Variants in PACS1 observed in about 807,000 individuals in gnomAD.
PACS1 encodes phosphofurin acidic cluster sorting protein 1.
A neutral mutation model predicts 115.0 loss-of-function variants in PACS1; 24 were observed. The observed-to-expected ratio is 0.21, with a 90% CI of 0.15 to 0.29. The LOEUF is 0.29. PACS1 is among the 10% of genes least tolerant of loss of function. The pLI, the probability that PACS1 is intolerant of heterozygous loss-of-function variation, is 1.00. For missense variants in PACS1, 838 were observed against 1,251.2 expected (o/e 0.67, Z 4.98); for synonymous variants, 453 against 504.5 (o/e 0.90, Z 1.37).
chr11:66,188,599 A>G (rs1854442011), intron 1 of PACS1, among the ~76,000 whole-genome samples: 2 of 152,194 alleles, frequency 1.3e-5, no homozygotes, highest in African/African-American at 4.8e-5. Flanking sequence ...TCATCAGGGA[A>G]AGACTCTTCT....
At chr11:66,122,012 A>G (rs1018511375) in intron 1 of PACS1, among the ~76,000 whole-genome samples, 1 of 152,180 alleles carries the variant, frequency 6.6e-6, no homozygotes, top group Non-Finnish European at 1.5e-5. Flanking sequence ...GCCATCTAGG[A>G]CTTTCATAGC....
chr11:66,189,979 G>A (rs1173549419), intron 1 of PACS1, among the ~76,000 whole-genome samples: 1 of 152,226 alleles, frequency 6.6e-6, no homozygotes, highest in Non-Finnish European at 1.5e-5. Context: ...TGTTTTATCT[G>A]ATGTCTACTG....
At chr11:66,222,768 C>G (rs1024281600) in intron 10 of PACS1, among the ~76,000 whole-genome samples, 2 of 152,222 alleles carry the variant, frequency 1.3e-5, no homozygotes, top group South Asian at 4.1e-4. Context: ...CTGAAAAGCA[C>G]GGGTCTGAAA....
At chr11:66,174,769 G>C (rs1859814268) in intron 1 of PACS1, among the ~76,000 whole-genome samples, 1 of 152,198 alleles carries the variant, frequency 6.6e-6, no homozygotes, top group South Asian at 2.1e-4. Context: ...GTCGTATTTT[G>C]ATGATGAAAA....
In PACS1 at chr11:66,202,726, G is replaced by GGAAAAAAA. The variant is rs1554988658; in HGVS notation, c.445-7636_445-7635insGAAAAAAA. Among the ~76,000 whole-genome samples, 8 of 10,962 alleles carry GGAAAAAAA rather than the reference G, an allele frequency of 7.3e-4. 1 individual carries two copies. The highest frequency in any genetic ancestry group is 3.7e-3 in the Admixed American group (2 of 538). The allele number at this position is 10,962 out of a possible 152,430, so 7.2% of individuals were successfully genotyped here. On this transcript the variant is annotated intron_variant, in intron 2 of 23. Coordinates refer to ENST00000320580, the MANE Select transcript of PACS1 (RefSeq NM_018026.4). Reference sequence around the variant, plus strand: ...CAACATGGCAAAACCTCATCTCTAGGAAAAAAAAAAAAAAAAATATATATA... The same window carrying GGAAAAAAA: ...CAACATGGCAAAACCTCATCTCTAGGGAAAAAAAAAAAAAAAAAAAAAAAATATATATA...
chr11:66,125,659 T>C (rs1251831483), intron 1 of PACS1, among the ~76,000 whole-genome samples: 1 of 152,186 alleles, frequency 6.6e-6, no homozygotes, highest in East Asian at 1.9e-4. Context: ...CTAACCAGTG[T>C]CTAACTATGC....
chr11:66,137,067 C>T (rs547456911), intron 1 of PACS1, among the ~76,000 whole-genome samples: 22 of 143,768 alleles, frequency 1.5e-4, no homozygotes, highest in Admixed American at 3.6e-4. Flanking sequence ...GCTCTGTTTA[C>T]ATTGGTGTTT....
At chr11:66,190,030 C>T (rs778304813) in intron 1 of PACS1, among the ~76,000 whole-genome samples, 6 of 152,236 alleles carry the variant, frequency 3.9e-5, no homozygotes, top group Non-Finnish European at 5.9e-5. Context: ...TTGCCCACCA[C>T]TCTCACTCAC....
chr11:66,212,502 C>G (rs899419287), intron 4 of PACS1, among the ~76,000 whole-genome samples: 1 of 151,006 alleles, frequency 6.6e-6, no homozygotes, highest in Non-Finnish European at 1.5e-5. Flanking sequence ...AACTCCCAGG[C>G]TCAAGCAATC....
At chr11:66,072,529 T>G (rs923337112) in intron 1 of PACS1, among the ~76,000 whole-genome samples, 5 of 152,230 alleles carry the variant, frequency 3.3e-5, no homozygotes, top group African/African-American at 1.2e-4. Context: ...CATTGTTTTT[T>G]TTTTCTCTGT....
chr11:66,157,210 C>T (rs1859382394), intron 1 of PACS1, among the ~76,000 whole-genome samples: 1 of 152,090 alleles, frequency 6.6e-6, no homozygotes, highest in Non-Finnish European at 1.5e-5. Flanking sequence ...ACTAAAATGA[C>T]AGTAAAGGAA....
At chr11:66,229,117 G>A (rs1301464518) in intron 11 of PACS1, among the ~76,000 whole-genome samples, 1 of 140,444 alleles carries the variant, frequency 7.1e-6, no homozygotes, top group Non-Finnish European at 1.5e-5. Context: ...GCTCACACCT[G>A]TAATCCCAGT....
chr11:66,191,850 C>T (rs1482195683), intron 1 of PACS1, among the ~76,000 whole-genome samples: 5 of 152,144 alleles, frequency 3.3e-5, no homozygotes, highest in Middle Eastern at 3.4e-3. Context: ...ATGGTGAAAC[C>T]GGTCTCTACT....
At chr11:66,147,040 G>A (rs1478358741) in intron 1 of PACS1, among the ~76,000 whole-genome samples, 3 of 152,110 alleles carry the variant, frequency 2.0e-5, no homozygotes, top group African/African-American at 7.2e-5. Context: ...CAGCTTGGGC[G>A]ACCAAGTAAG....
chr11:66,200,797 G>A (rs546075179), intron 2 of PACS1, among the ~76,000 whole-genome samples: 35 of 151,572 alleles, frequency 2.3e-4, no homozygotes, highest in Non-Finnish European at 3.1e-4. Flanking sequence ...CAAATGGACC[G>A]AATAGATATT....
chr11:66,122,018 A>G (rs1858454779), intron 1 of PACS1, among the ~76,000 whole-genome samples: 1 of 152,148 alleles, frequency 6.6e-6, no homozygotes, highest in African/African-American at 2.4e-5. Context: ...TAGGACTTTC[A>G]TAGCTAGAGA....
At chr11:66,153,383 A>T (rs1859287388) in intron 1 of PACS1, among the ~76,000 whole-genome samples, 1 of 152,152 alleles carries the variant, frequency 6.6e-6, no homozygotes, top group Non-Finnish European at 1.5e-5. Flanking sequence ...AGTGGCTCAC[A>T]CCTGTAATCT....
intron 1 of PACS1, among the ~76,000 whole-genome samples, chr11:66,109,385 C>T (rs1858133442): frequency 1.3e-5 from 2 of 152,012 alleles, no homozygotes; most frequent in Admixed American, 1.3e-4. Context: ...TAGTGAGACC[C>T]CATCTCTATT....
At position 66,211,194 on chromosome 11, in the gene PACS1, C is replaced by T. The variant is rs1415741748; in HGVS notation, c.595C>T (p.Arg199Cys). 3 of 1,613,796 alleles carry T rather than the reference C, an allele frequency of 1.9e-6. No individual in the cohort carries two copies. Among genetic ancestry groups the T allele is most frequent in the Non-Finnish European group, 1.7e-6 (2 of 1,179,740 alleles). The change falls in exon 4 of 24, where the codon CGT (arginine) becomes TGT (cysteine). Residue 199 changes from arginine (R) to cysteine (C), a missense_variant. Arg to Cys is a radical substitution (Grantham distance 180). This residue lies in a region of PACS1 where 223 missense variants were observed against 354.0 expected (regional missense o/e 0.63). Transcript: ENST00000320580. ...KLQIMLQRRK[R>C]YKNRTILGYK... ...GCAGATCATGCTGCAAAGGAGAAAACGTTACAAGAATCGGACCATCTTGGG... is the reference window on the plus strand; with the variant it reads ...GCAGATCATGCTGCAAAGGAGAAAATGTTACAAGAATCGGACCATCTTGGG...
Sources: allele counts gnomAD v4.1 joint callset (sites outside exome capture counted in the v4.1 genomes callset), GRCh38; gene constraint gnomAD v4.1.1; regional missense constraint gnomAD v4.1.1; transcripts MANE v1.5; gene names NCBI Gene and HGNC (gene_info 2026-07-23, HGNC 2026-07-21).